ERC2: variants seen among roughly 807,000 people sequenced by gnomAD.
ERC2 encodes the protein ERC protein 2.
In ERC2, 42 loss-of-function variants were observed where a neutral mutation model predicts 114.8. That is an observed-to-expected ratio of 0.37 (90% confidence interval 0.29 to 0.47). The LOEUF (loss-of-function observed/expected upper bound fraction) is 0.47. Ranked by LOEUF, ERC2 falls within the 20% of genes least tolerant of loss-of-function variation. The probability of loss-of-function intolerance (pLI) is 0.99; values close to 1 mark genes in which losing one functional copy is unlikely to be tolerated. For missense variants in ERC2, 939 were observed against 1,150.7 expected, an observed-to-expected ratio of 0.82 and a Z score of 2.66; for synonymous variants, 454 against 425.5, an observed-to-expected ratio of 1.07 and a Z score of -0.82.
intron 3 of ERC2, among the ~76,000 whole-genome samples, chr3:56,205,469 C>T (rs773943023): frequency 2.4e-4 from 37 of 152,178 alleles, no homozygotes; most frequent in Non-Finnish European, 5.0e-4. Context: ...TGTCCAAACT[C>T]TTGCCCCGTA....
Position 56,004,519 on chromosome 3 carries a change from TTAAAG to T in ERC2, c.2061+2657_2061+2661del, listed in dbSNP as rs918926462. 2.6e-5 allele frequency among the ~76,000 whole-genome samples: 4 copies of T among 152,156 alleles called. No individual in the cohort carries two copies. In the East Asian group the frequency reaches 7.7e-4, roughly 29 times the overall value. ...TAAATTAACACAGTATAATAAAGGG[TTAAAG>T]TAATCATGTGTCTGAATGTTCTCCA... On this transcript the variant is annotated intron_variant, in intron 10 of 17. Transcript: ENST00000288221.
intron 17 of ERC2, among the ~76,000 whole-genome samples, chr3:55,585,311 T>A (rs1186961672): frequency 1.3e-5 from 2 of 152,168 alleles, no homozygotes; most frequent in Admixed American, 1.3e-4. Context: ...TTCTCCTGTT[T>A]TAGGGCTCAG....
intron 2 of ERC2, among the ~76,000 whole-genome samples, chr3:56,333,688 C>T (rs1468064714): frequency 2.0e-5 from 3 of 146,762 alleles, no homozygotes; most frequent in Non-Finnish European, 3.1e-5. Flanking sequence ...CTTATCTCTT[C>T]CAAATGAACA....
At chr3:55,779,636 A>G (rs1419433615) in intron 14 of ERC2, among the ~76,000 whole-genome samples, 1 of 152,194 alleles carries the variant, frequency 6.6e-6, no homozygotes, top group Non-Finnish European at 1.5e-5. Context: ...AAGCTGCAAC[A>G]CTTGCAAAAA....
At chr3:55,924,012 T>G (rs970570139) in intron 13 of ERC2, among the ~76,000 whole-genome samples, 8 of 152,106 alleles carry the variant, frequency 5.3e-5, no homozygotes, top group Admixed American at 2.0e-4. Context: ...AAAACCTTAT[T>G]ATTAAGCTGG....
At chr3:56,213,935 C>A (rs1448101138) in intron 3 of ERC2, among the ~76,000 whole-genome samples, 2 of 152,190 alleles carry the variant, frequency 1.3e-5, no homozygotes, top group Admixed American at 6.5e-5. Flanking sequence ...AGACCTGCAG[C>A]TGAAGGTCCT....
chr3:56,456,577 T>A (rs2063071232), intron 1 of ERC2, among the ~76,000 whole-genome samples: 1 of 152,232 alleles, frequency 6.6e-6, no homozygotes, highest in South Asian at 2.1e-4. Context: ...GCCTTTAACT[T>A]CACTCACAAC....
At chr3:55,714,690 T>TACATATATATATATACAC (rs1559539171) in intron 15 of ERC2, among the ~76,000 whole-genome samples, 1 of 129,988 alleles carries the variant, frequency 7.7e-6, no homozygotes, top group Non-Finnish European at 1.6e-5. Context: ...TATATATATA[T>TACATATATATATATACAC]ATATATATAT....
intron 6 of ERC2, among the ~76,000 whole-genome samples, chr3:56,103,099 G>A (rs1397408851): frequency 1.3e-5 from 2 of 152,140 alleles, no homozygotes; most frequent in African/African-American, 4.8e-5. Flanking sequence ...GAATTAGAGA[G>A]AGCTTCCTGG....
chr3:55,979,299 G>T (rs1002565991), intron 12 of ERC2, among the ~76,000 whole-genome samples: 2 of 152,172 alleles, frequency 1.3e-5, no homozygotes, highest in African/African-American at 4.8e-5. Context: ...AGACTATTTC[G>T]TTACTTCATG....
chr3:56,145,011 C>A (rs776922664), intron 5 of ERC2, among the ~76,000 whole-genome samples: 12 of 152,160 alleles, frequency 7.9e-5, no homozygotes, highest in Non-Finnish European at 1.5e-4. Flanking sequence ...AATTACATCA[C>A]ATGCTTTATA....
intron 2 of ERC2, among the ~76,000 whole-genome samples, chr3:56,387,271 T>C (rs1363345044): frequency 6.6e-6 from 1 of 152,190 alleles, no homozygotes; most frequent in Non-Finnish European, 1.5e-5. Context: ...TTTGTTATTA[T>C]TGTTATAGAG....
chr3:56,400,701 A>C (rs982405172), intron 2 of ERC2, among the ~76,000 whole-genome samples: 1 of 152,198 alleles, frequency 6.6e-6, no homozygotes, highest in Non-Finnish European at 1.5e-5. Context: ...TTCCACCAAT[A>C]AACTGTAAAC....
At chr3:55,914,021 T>A (rs115057217) in intron 13 of ERC2, among the ~76,000 whole-genome samples, 51,347 of 109,798 alleles carry the variant, frequency 0.47, 9,081 homozygotes, top group East Asian at 0.54. Flanking sequence ...TTATGACAAT[T>A]TTTTTTTTTT....
intron 15 of ERC2, among the ~76,000 whole-genome samples, chr3:55,716,433 A>T (rs1016203624): frequency 2.0e-5 from 3 of 152,214 alleles, no homozygotes; most frequent in African/African-American, 4.8e-5. Context: ...AGGGTCCTGG[A>T]GAGTAAAGAA....
intron 3 of ERC2, among the ~76,000 whole-genome samples, chr3:56,294,646 A>T (rs961731341): frequency 1.3e-5 from 2 of 152,240 alleles, no homozygotes; most frequent in Non-Finnish European, 2.9e-5. Context: ...AATCCTGGAA[A>T]TAACATTGAC....
At chr3:55,599,928 C>T (rs575798896) in intron 17 of ERC2, among the ~76,000 whole-genome samples, 67 of 152,288 alleles carry the variant, frequency 4.4e-4, no homozygotes, top group African/African-American at 1.4e-3. Flanking sequence ...CTCTCTGGGC[C>T]TCAGTTTCCT....
At chr3:56,357,714 A>G (rs1380998365) in intron 2 of ERC2, among the ~76,000 whole-genome samples, 1 of 151,074 alleles carries the variant, frequency 6.6e-6, no homozygotes, top group South Asian at 2.1e-4. Flanking sequence ...GGGCCATTGC[A>G]AAACGCCTGA....
intron 15 of ERC2, among the ~76,000 whole-genome samples, chr3:55,732,716 A>T (rs1411301090): frequency 6.6e-6 from 1 of 152,244 alleles, no homozygotes; most frequent in Admixed American, 6.5e-5. Flanking sequence ...CCTGGTAAGA[A>T]GGCTTCTGGC....
Sources: allele counts gnomAD v4.1 joint callset (sites outside exome capture counted in the v4.1 genomes callset), GRCh38; gene constraint gnomAD v4.1.1; transcripts MANE v1.5; gene names NCBI Gene and HGNC (gene_info 2026-07-23, HGNC 2026-07-21).